MUC15: variants seen among roughly 807,000 people sequenced by gnomAD.
The protein encoded by MUC15 is mucin 15, cell surface associated, also known as mucin-15.
In MUC15, 23 loss-of-function variants were observed where a neutral mutation model predicts 24.0. The observed-to-expected ratio is 0.96, with a 90% CI of 0.69 to 1.36. MUC15 has a LOEUF of 1.36. Among genes scored for constraint, MUC15 ranks in the 40% most tolerant of loss-of-function variants. The probability of loss-of-function intolerance (pLI) is 0.00; values close to 1 mark genes in which losing one functional copy is unlikely to be tolerated. For synonymous variants in MUC15, 151 were observed against 156.3 expected, an observed-to-expected ratio of 0.97 and a Z score of 0.25; for missense variants, 442 against 428.2, an observed-to-expected ratio of 1.03 and a Z score of -0.29.
chr11:26,567,153 GA>G lies in MUC15; in HGVS notation c.-45-15del. ...TAGTAACAGAAGCTGGAAAATGGAA[GA>G]GGCAATATTTAAAGCCAAGTCAACT... is the stretch of plus-strand genomic sequence containing the variant. On this transcript the variant is annotated splice_polypyrimidine_tract_variant and intron_variant, in intron 1 of 4. Transcript: ENST00000529533. 17 of 1,380,466 alleles carry G rather than the reference GA, an allele frequency of 1.2e-5. No individual in the cohort carries two copies. Among genetic ancestry groups the G allele is most frequent in the Non-Finnish European group, 1.6e-5 (17 of 1,054,156 alleles). The allele number at this position is 1,380,466 out of a possible 1,614,324, so 85.5% of individuals were successfully genotyped here.
chr11:26,563,637 T>C (rs1331942918), intron 3 of MUC15, among the ~76,000 whole-genome samples: 1 of 151,888 alleles, frequency 6.6e-6, no homozygotes, highest in African/African-American at 2.4e-5. Context: ...AATGATGAAA[T>C]GAATTTTGCA....
Position 26,565,611 on chromosome 11 carries a change from C to T in MUC15, c.329G>A (p.Gly110Glu), listed in dbSNP as rs138488868. The change falls in exon 3 of 5, where the codon GGA (glycine) becomes GAA (glutamate). Residue 110 changes from glycine to glutamate, a missense_variant. Transcript: ENST00000529533. ...PPLNLPNNSHGITDFSSNSSA... is the reference protein window; with the variant it reads ...PPLNLPNNSHEITDFSSNSSA... ...TGAGTTACTGGAGAAATCTGTTATT[C>T]CGTGGCTGTTGTTGGGTAGATTCAA... The T allele has an allele frequency of 3.7e-6, 6 of 1,613,018 alleles. No homozygotes were observed. The South Asian group carries it at 6.6e-5, about 18-fold the overall frequency.
rs1348050376 is a variant in MUC15, at chr11:26,563,393, CTCTGTG to C, written c.776-134_776-129del. 2.6e-3 allele frequency: 2,182 copies of C among 824,782 alleles called. 34 individuals are homozygous for C. The highest frequency in any genetic ancestry group is 3.3e-3 in the African/African-American group (126 of 38,122). The allele number at this position is 824,782 out of a possible 1,614,324, so 51.1% of individuals were successfully genotyped here. On this transcript the variant is annotated intron_variant, in intron 3 of 4. Transcript: ENST00000529533. ...AAATTAGATAATGGTGTGTTTCTCT[CTCTGTG>C]TGTGTGTGTGTGTGTGTGTGTGTGT...
chr11:26,561,977 G>T (rs975330502), intron 4 of MUC15, among the ~76,000 whole-genome samples: 4 of 151,810 alleles, frequency 2.6e-5, no homozygotes, highest in African/African-American at 9.6e-5. Context: ...TTACAAATTG[G>T]GCTCCCAGGA....
rs928210722 is a variant in MUC15 at position 26,560,758 on chromosome 11, G to A, written c.*307C>T. On this transcript the variant is annotated 3_prime_UTR_variant, in exon 5 of 5. Coordinates refer to ENST00000529533, the MANE Select transcript of MUC15 (RefSeq NM_001135091.2). ...AATAATTTTTATTATTTAGTTATGA[G>A]GCAGGGCTGTAATGGTGAAATCTTT... 11 of 227,236 alleles carry A rather than the reference G, an allele frequency of 4.8e-5. No individual in the cohort carries two copies. The highest frequency in any genetic ancestry group is 7.6e-5 in the Non-Finnish European group (9 of 117,928). 14.1% of individuals were successfully genotyped at this position (227,236 alleles called of 1,614,324 possible).
chr11:26,564,730 CACATATATATATAT>C (rs1192443408), intron 3 of MUC15, among the ~76,000 whole-genome samples: 242 of 23,876 alleles, frequency 0.01, no homozygotes, highest in Non-Finnish European at 0.014. Context: ...CACACACACA[CACATATATATATAT>C]ATATATATAT....
intron 1 of MUC15, among the ~76,000 whole-genome samples, chr11:26,570,505 T>G (rs1850780768): frequency 6.6e-6 from 1 of 152,174 alleles, no homozygotes; most frequent in Admixed American, 6.6e-5. Flanking sequence ...TTAACCCATA[T>G]AAGGGCAAAG....
intron 1 of MUC15, among the ~76,000 whole-genome samples, chr11:26,571,712 T>C (rs1850834640): frequency 6.6e-6 from 1 of 152,176 alleles, no homozygotes; most frequent in African/African-American, 2.4e-5. Context: ...TTGAAACCTT[T>C]ACTAAGATCT....
intron 1 of MUC15, among the ~76,000 whole-genome samples, chr11:26,568,883 G>T (rs293973): frequency 0.27 from 41,662 of 151,700 alleles, 6,005 homozygotes; most frequent in South Asian, 0.41. Context: ...CATTATCTAC[G>T]GCATGTGATC....
rs1850539717 is a variant in MUC15 at position 26,565,575 on chromosome 11, TG to T, written c.364del (p.His122IlefsTer6). The T allele has an allele frequency of 6.2e-7, 1 of 1,613,338 alleles. No homozygotes were observed. ...TDFSSNSSAE[H>X]SLGSLKPTST... Reference sequence around the variant, plus strand: ...TGTGGGTTTTAGACTGCCCAAAGAATGCTCTGCTGATGAGTTACTGGAGAAA... The same window carrying T: ...TGTGGGTTTTAGACTGCCCAAAGAATCTCTGCTGATGAGTTACTGGAGAAA... On this transcript the variant is annotated frameshift_variant, in exon 3 of 5. Coordinates refer to ENST00000529533, the MANE Select transcript of MUC15 (RefSeq NM_001135091.2). LOFTEE classifies it high-confidence loss of function.
At chr11:26,563,588 T>G (rs1034819155) in intron 3 of MUC15, among the ~76,000 whole-genome samples, 3 of 151,938 alleles carry the variant, frequency 2.0e-5, no homozygotes, top group Non-Finnish European at 4.4e-5. Context: ...AAATGCCATG[T>G]GCATACTCCA....
intron 2 of MUC15, 107 bp from the exon 3 acceptor site, chr11:26,566,003 G>T: frequency 1.8e-6 from 2 of 1,115,220 alleles, no homozygotes; most frequent in Non-Finnish European, 2.4e-6. Flanking sequence ...ATATAGAGAT[G>T]GTAATATCAT....
chr11:26,565,373 A>G lies in MUC15; in HGVS notation c.567T>C (p.Asp189=). The change falls in exon 3 of 5, where the codon GAT becomes GAC. Residue 189 remains aspartate, a synonymous_variant. Coordinates refer to ENST00000529533, the MANE Select transcript of MUC15 (RefSeq NM_001135091.2). ...GGATGCTAACTGTAATGGAACTGTT[A>G]TCAGGAGTTTTCACGGTGTCATTGA... ...SLVNDTVKTP[D]NSSITVSILS... 6.2e-7 allele frequency: 1 copy of G among 1,613,194 alleles called. No homozygotes were observed. Among genetic ancestry groups the G allele is most frequent in the East Asian group, 2.2e-5 (1 of 44,848 alleles).
Position 26,561,233 on chromosome 11 carries a change from A to G in MUC15, c.926-8T>C. ...CATTGTCTAATCGCAGAACTAAAAA[A>G]GTAACAAAATAATACTGTTTCACAG... is the stretch of plus-strand genomic sequence containing the variant. On this transcript the variant is annotated splice_region_variant and splice_polypyrimidine_tract_variant and intron_variant, in intron 4 of 4. Coordinates refer to ENST00000529533, the MANE Select transcript of MUC15 (RefSeq NM_001135091.2). The G allele has an allele frequency of 1.9e-6, 3 of 1,597,562 alleles. No individual in the cohort carries two copies. Among genetic ancestry groups the G allele is most frequent in the Non-Finnish European group, 2.6e-6 (3 of 1,172,422 alleles).
At position 26,565,444 on chromosome 11, in the gene MUC15, T is replaced by G; in HGVS notation, c.496A>C (p.Asn166His). 1 of 1,613,384 alleles carries G rather than the reference T, an allele frequency of 6.2e-7. No homozygotes were observed. Among genetic ancestry groups the G allele is most frequent in the East Asian group, 2.2e-5 (1 of 44,842 alleles). ...EDLLPISAHP[N>H]ATPALSSENF... ...TCTGAAGACAGAGCAGGTGTAGCAT[T>G]GGGATGTGCTGAGATGGGCAAAAGA... Residue 166 changes from asparagine (N) to histidine (H), a missense_variant, in exon 3 of 5, where the codon AAT (asparagine) becomes CAT (histidine). Transcript: ENST00000529533.
intron 1 of MUC15, among the ~76,000 whole-genome samples, chr11:26,571,015 G>GA (rs925637958): frequency 1.3e-5 from 2 of 151,962 alleles, no homozygotes; most frequent in South Asian, 4.2e-4. Flanking sequence ...TTTCTTTCAA[G>GA]AAAAAAACAA....
In MUC15 at chr11:26,567,741, C is replaced by T. The variant is rs144376277; in HGVS notation, c.-45-602G>A. Among the ~76,000 whole-genome samples the T allele has an allele frequency of 5.9e-5, 9 of 151,988 alleles. No individual in the cohort carries two copies. The East Asian group carries it at 1.2e-3, about 20-fold the overall frequency. The stretch of plus-strand genomic sequence containing the variant: ...GGCAGACATATGAGAACATTCATAG[C>T]GGCATTATTTATAAGAGCCTCAAAC... On this transcript the variant is annotated intron_variant, in intron 1 of 4. Transcript: ENST00000529533.
chr11:26,562,083 G>A (rs1279009197), intron 4 of MUC15, among the ~76,000 whole-genome samples: 3 of 151,834 alleles, frequency 2.0e-5, no homozygotes, highest in African/African-American at 7.3e-5. Context: ...TATCACAGCA[G>A]TTTAGATTGT....
In MUC15 at chr11:26,559,208, T is replaced by G. The variant is rs935150819; in HGVS notation, c.*1857A>C. ...TTTTAAAACAAATTAAGATGGGATT[T>G]ATTACATCTTATAGCCATTATTGGA... On this transcript the variant is annotated 3_prime_UTR_variant, in exon 5 of 5. Transcript: ENST00000529533. 1 of 152,460 alleles carries G rather than the reference T, an allele frequency of 6.6e-6. No individual in the cohort carries two copies. Among genetic ancestry groups the G allele is most frequent in the Admixed American group, 6.5e-5 (1 of 15,316 alleles). The allele number at this position is 152,460 out of a possible 1,614,324, so 9.4% of individuals were successfully genotyped here. A position where few individuals can be genotyped will look rare whatever the true frequency, so the allele number is the denominator to read the frequency against.
Sources: gnomAD v4.1 joint callset for allele counts (sites outside exome capture counted in the v4.1 genomes callset) on GRCh38, gnomAD v4.1.1 for gene constraint, MANE v1.5 for transcripts, NCBI Gene and HGNC (gene_info 2026-07-23, HGNC 2026-07-21) for gene names.